KHDRBS2: variants seen among roughly 807,000 people sequenced by gnomAD.
The protein encoded by KHDRBS2 is KH RNA binding domain containing, signal transduction associated 2, also known as KH domain-containing, RNA-binding, signal transduction-associated protein 2.
KHDRBS2 carries 26 observed loss-of-function variants against 44.3 expected under a neutral mutation model. The ratio of observed to expected loss-of-function variants is 0.59; its 90% confidence interval spans 0.43 to 0.81. The LOEUF (loss-of-function observed/expected upper bound fraction) is 0.81, where lower values mean the gene tolerates loss of function less well. Ranked by LOEUF, KHDRBS2 falls within the 40% of genes least tolerant of loss-of-function variation. KHDRBS2 has a pLI of 0.00. For synonymous variants in KHDRBS2, 194 were observed against 151.1 expected (o/e 1.28, Z -2.08); for missense variants, 476 against 433.1 (o/e 1.10, Z -0.88).
intron 4 of KHDRBS2, among the ~76,000 whole-genome samples, chr6:61,908,067 A>G (rs987696420): frequency 1.3e-5 from 2 of 152,192 alleles, no homozygotes; most frequent in African/African-American, 4.8e-5. Flanking sequence ...TATAAATTTT[A>G]TGCTCAACTT....
intron 2 of KHDRBS2, among the ~76,000 whole-genome samples, chr6:62,138,067 G>T (rs1332326595): frequency 6.6e-6 from 1 of 152,142 alleles, no homozygotes; most frequent in Admixed American, 6.5e-5. Context: ...TAACTGACGT[G>T]TGGGCTGACT....
chr6:61,893,854 A>G (rs1802441368), intron 6 of KHDRBS2, among the ~76,000 whole-genome samples: 4 of 152,120 alleles, frequency 2.6e-5, no homozygotes, highest in Non-Finnish European at 4.4e-5. Context: ...CATATGTAAC[A>G]AACCTGCACG....
At chr6:61,917,061 C>T (rs1295760454) in intron 4 of KHDRBS2, among the ~76,000 whole-genome samples, 1 of 137,802 alleles carries the variant, frequency 7.3e-6, no homozygotes, top group African/African-American at 2.7e-5. Flanking sequence ...ACTAAACATA[C>T]TCTTACCATA....
intron 4 of KHDRBS2, among the ~76,000 whole-genome samples, chr6:61,948,784 C>A (rs9363568): frequency 0.34 from 51,554 of 150,930 alleles, 8,969 homozygotes; most frequent in Middle Eastern, 0.41. Flanking sequence ...GTAGCTGGAA[C>A]TATACGCACA....
At chr6:61,851,953 G>A (rs763492339) in intron 6 of KHDRBS2, among the ~76,000 whole-genome samples, 1 of 152,162 alleles carries the variant, frequency 6.6e-6, no homozygotes, top group Non-Finnish European at 1.5e-5. Flanking sequence ...TGGGTGCAGT[G>A]GCTCATGGCT....
chr6:61,560,691 C>A, the KHDRBS2 span, among the ~76,000 whole-genome samples: 2 of 152,210 alleles, frequency 1.3e-5, no homozygotes, highest in Admixed American at 6.5e-5. Context: ...TGCTACATTT[C>A]TCTGATAGAA....
At chr6:61,812,722 CAG>C (rs1166930286) in intron 6 of KHDRBS2, among the ~76,000 whole-genome samples, 18 of 151,810 alleles carry the variant, frequency 1.2e-4, no homozygotes, top group Non-Finnish European at 2.5e-4. Context: ...CTCTGTAAAA[CAG>C]AATAAATACA....
intron 2 of KHDRBS2, among the ~76,000 whole-genome samples, chr6:62,166,088 T>G (rs1818628661): frequency 6.6e-6 from 1 of 152,060 alleles, no homozygotes; most frequent in South Asian, 2.1e-4. Context: ...TTATTTTATT[T>G]AGCATAATGT....
chr6:62,029,710 GA>G (rs1584254664), intron 3 of KHDRBS2, among the ~76,000 whole-genome samples: 1 of 151,994 alleles, frequency 6.6e-6, no homozygotes, highest in East Asian at 1.9e-4. Context: ...TAAAAAAACA[GA>G]AAGGAGTGCA....
At chr6:62,084,614 G>A (rs768008287) in intron 2 of KHDRBS2, among the ~76,000 whole-genome samples, 13 of 151,984 alleles carry the variant, frequency 8.6e-5, no homozygotes, top group Non-Finnish European at 1.8e-4. Context: ...AAACGACAAG[G>A]TTTTCTCTGA....
intron 4 of KHDRBS2, among the ~76,000 whole-genome samples, chr6:61,971,282 T>C (rs1771353212): frequency 6.6e-6 from 1 of 152,228 alleles, no homozygotes; most frequent in African/African-American, 2.4e-5. Flanking sequence ...TTTGGTACAA[T>C]AGGGATTCTC....
At chr6:62,209,783 C>G (rs1235334278) in intron 1 of KHDRBS2, among the ~76,000 whole-genome samples, 2 of 152,082 alleles carry the variant, frequency 1.3e-5, no homozygotes, top group African/African-American at 4.8e-5. Flanking sequence ...AGTCTTCCAG[C>G]CTTCATCTTT....
chr6:62,057,564 A>T (rs895415997), intron 2 of KHDRBS2, among the ~76,000 whole-genome samples: 2 of 151,950 alleles, frequency 1.3e-5, no homozygotes, highest in African/African-American at 4.8e-5. Flanking sequence ...ACAGTCAGCA[A>T]TTGGTTCTAA....
At chr6:62,162,538 G>A (rs972191805) in intron 2 of KHDRBS2, among the ~76,000 whole-genome samples, 1 of 152,054 alleles carries the variant, frequency 6.6e-6, no homozygotes, top group Non-Finnish European at 1.5e-5. Context: ...TTGGGAGATG[G>A]ATAGCTACTA....
chr6:62,229,403 T>C (rs1481344940), intron 1 of KHDRBS2, among the ~76,000 whole-genome samples: 1 of 152,182 alleles, frequency 6.6e-6, no homozygotes, highest in Non-Finnish European at 1.5e-5. Context: ...TAGAGATGGC[T>C]GCTGCCCTTC....
chr6:62,176,098 C>A (rs1254865779), intron 2 of KHDRBS2, among the ~76,000 whole-genome samples: 1 of 151,330 alleles, frequency 6.6e-6, no homozygotes, highest in African/African-American at 2.4e-5. Context: ...TCTTTATACT[C>A]CAACATATTT....
intron 2 of KHDRBS2, among the ~76,000 whole-genome samples, chr6:62,088,080 G>A (rs1289031301): frequency 1.3e-5 from 2 of 152,138 alleles, no homozygotes; most frequent in African/African-American, 4.8e-5. Flanking sequence ...GGTTATTCTA[G>A]TTAGCAATTC....
In KHDRBS2 at chr6:61,831,307, C is replaced by T. The variant is rs1791758613; in HGVS notation, c.810+63328G>A. Among the ~76,000 whole-genome samples the T allele has an allele frequency of 1.3e-5, 2 of 151,824 alleles. 1 individual carries two copies. Among genetic ancestry groups the T allele is most frequent in the Non-Finnish European group, 2.9e-5 (2 of 67,928 alleles). On this transcript the variant is annotated intron_variant, in intron 6 of 8. Coordinates refer to ENST00000281156, the MANE Select transcript of KHDRBS2 (RefSeq NM_152688.4). ...ATAGAAAGGTTACATATCTATTTAC[C>T]CCTAAAGCATTACCAGTTGTCCAAC...
chr6:62,030,903 G>C (rs1479900591), intron 3 of KHDRBS2, among the ~76,000 whole-genome samples: 1 of 151,998 alleles, frequency 6.6e-6, no homozygotes, highest in Non-Finnish European at 1.5e-5. Context: ...ATCAATAGGA[G>C]AATGAGTAAA....
Sources: allele counts gnomAD v4.1 joint callset (sites outside exome capture counted in the v4.1 genomes callset), GRCh38; gene constraint gnomAD v4.1.1; transcripts MANE v1.5; gene names NCBI Gene and HGNC (gene_info 2026-07-23, HGNC 2026-07-21).